Variants in TMEM65 observed in about 807,000 individuals in gnomAD.
The protein encoded by TMEM65 is transmembrane protein 65.
Under a neutral mutation model 25.4 loss-of-function variants are expected in TMEM65, and 22 were observed. The observed-to-expected ratio is 0.86, with a 90% confidence interval of 0.62 to 1.23. The LOEUF (loss-of-function observed/expected upper bound fraction) is 1.23. Ranked by LOEUF, TMEM65 falls within the 50% of genes most tolerant of loss-of-function variation. TMEM65 has a pLI of 0.00. For missense variants in TMEM65, 262 were observed against 308.2 expected (o/e 0.85, Z 1.12); for synonymous variants, 132 against 126.2 (o/e 1.05, Z -0.31).
chr8:124,335,098 CAAG>C (rs1417394190), intron 1 of TMEM65, among the ~76,000 whole-genome samples: 5 of 151,994 alleles, frequency 3.3e-5, no homozygotes, highest in African/African-American at 1.2e-4. Flanking sequence ...TCAAAAGATT[CAAG>C]AAGTTCAGTG....
intron 1 of TMEM65, among the ~76,000 whole-genome samples, chr8:124,331,619 G>A (rs183888559): frequency 3.9e-4 from 59 of 151,590 alleles, no homozygotes; most frequent in Middle Eastern, 3.4e-3. Context: ...AGCCTACCTG[G>A]TCTTATAACA....
intron 1 of TMEM65, among the ~76,000 whole-genome samples, chr8:124,340,129 T>C (rs888884394): frequency 6.6e-6 from 1 of 152,182 alleles, no homozygotes; most frequent in African/African-American, 2.4e-5. Flanking sequence ...TCAAAAGTTG[T>C]AGCTATCTGG....
intron 1 of TMEM65, among the ~76,000 whole-genome samples, chr8:124,357,796 C>T (rs1472821568): frequency 1.7e-5 from 1 of 59,798 alleles, no homozygotes; most frequent in East Asian, 8.0e-4. Context: ...GTCAGACAAA[C>T]CTTTTTTTTT....
chr8:124,328,050 T>C (rs1814388717), intron 2 of TMEM65, among the ~76,000 whole-genome samples: 1 of 152,140 alleles, frequency 6.6e-6, no homozygotes, highest in Non-Finnish European at 1.5e-5. Context: ...AATCAAACTA[T>C]CACTTCACCT....
At chr8:124,325,694 T>C (rs1814358706) in intron 3 of TMEM65, among the ~76,000 whole-genome samples, 1 of 151,946 alleles carries the variant, frequency 6.6e-6, no homozygotes, top group African/African-American at 2.4e-5. Flanking sequence ...CTCTTAGTTA[T>C]ACTAACAATG....
intron 1 of TMEM65, among the ~76,000 whole-genome samples, chr8:124,369,072 T>G (rs1418017472): frequency 6.6e-6 from 1 of 152,224 alleles, no homozygotes; most frequent in South Asian, 2.1e-4. Context: ...TGTAATAATG[T>G]CAGCTTGCCA....
At chr8:124,368,057 C>T (rs1814963258) in intron 1 of TMEM65, among the ~76,000 whole-genome samples, 1 of 151,806 alleles carries the variant, frequency 6.6e-6, no homozygotes, top group African/African-American at 2.4e-5. Flanking sequence ...CAGTTCTTGT[C>T]TCTCTGTGTA....
At chr8:124,354,802 T>C (rs6986235) in intron 1 of TMEM65, among the ~76,000 whole-genome samples, 55,998 of 152,078 alleles carry the variant, frequency 0.37, 10,589 homozygotes, top group East Asian at 0.56. Context: ...ACTACTTGCA[T>C]GTTAACCTTT....
At chr8:124,347,762 A>G (rs889381854) in intron 1 of TMEM65, among the ~76,000 whole-genome samples, 1 of 152,210 alleles carries the variant, frequency 6.6e-6, no homozygotes, top group African/African-American at 2.4e-5. Context: ...GTTGGCCAGA[A>G]GCAATCACAA....
Position 124,367,155 on chromosome 8 carries a change from C to T in TMEM65, c.304+4699G>A, listed in dbSNP as rs149400530. 5.3e-5 allele frequency among the ~76,000 whole-genome samples: 8 copies of T among 152,264 alleles called. No individual in the cohort carries two copies. In the East Asian group the frequency reaches 1.5e-3, roughly 29 times the overall value. ...GGACAAAAGCAAACTATTCCCAATC[C>T]ATTCCAGAGGCTCATAGCTTAAAAT... On this transcript the variant is annotated intron_variant, in intron 1 of 6. Coordinates refer to ENST00000297632, the MANE Select transcript of TMEM65 (RefSeq NM_194291.3).
At chr8:124,367,423 A>T (rs1374260853) in intron 1 of TMEM65, among the ~76,000 whole-genome samples, 2 of 152,194 alleles carry the variant, frequency 1.3e-5, no homozygotes, top group East Asian at 3.8e-4. Flanking sequence ...CACTGAGCTG[A>T]GATCGCACCA....
intron 1 of TMEM65, among the ~76,000 whole-genome samples, chr8:124,362,362 A>G (rs1814878751): frequency 6.6e-6 from 1 of 152,054 alleles, no homozygotes; most frequent in Admixed American, 6.6e-5. Context: ...TGGAAAAAGA[A>G]AGAGAATAGA....
At position 124,330,808 on chromosome 8, in the gene TMEM65, A is replaced by T. The variant is rs769297249; in HGVS notation, c.305-16T>A. On this transcript the variant is annotated splice_polypyrimidine_tract_variant and intron_variant, in intron 1 of 6. Coordinates refer to ENST00000297632, the MANE Select transcript of TMEM65 (RefSeq NM_194291.3). ...TCCAATTTTTCTAAAGGGGAGAAAA[A>T]GGATGTGGGGCAAGAATTAGTTACT... 6.3e-7 allele frequency: 1 copy of T among 1,575,668 alleles called. No homozygotes were observed. The highest frequency in any genetic ancestry group is 8.6e-7 in the Non-Finnish European group (1 of 1,165,062).
chr8:124,361,821 G>A (rs1057481280), intron 1 of TMEM65, among the ~76,000 whole-genome samples: 1 of 151,792 alleles, frequency 6.6e-6, no homozygotes, highest in Non-Finnish European at 1.5e-5. Context: ...GGGCAACAGA[G>A]CAAAACTCCA....
rs145024331 is a variant in TMEM65 at position 124,370,588 on chromosome 8, C to A, written c.304+1266G>T. On this transcript the variant is annotated intron_variant, in intron 1 of 6. Coordinates refer to ENST00000297632, the MANE Select transcript of TMEM65 (RefSeq NM_194291.3). ...TAAAAGCACTGTGGGTAAACAATGT[C>A]TGGAATCAATCATCCACTATAAATT... 9.5e-3 allele frequency among the ~76,000 whole-genome samples: 1,442 copies of A among 152,260 alleles called. 30 individuals carry two copies. Among genetic ancestry groups the A allele is most frequent in the Middle Eastern group, 0.017 (5 of 294 alleles).
Position 124,309,977 on chromosome 8 carries a change from T to C in TMEM65, c.*3983A>G, listed in dbSNP as rs1400906440. On this transcript the variant is annotated 3_prime_UTR_variant, in exon 7 of 7. Transcript: ENST00000297632. ...GAGTCTGAGGCCAGCCTGGCCAACATGGTGAAACCCCGTTTCTACTAAAAA... is the reference window on the plus strand; with the variant it reads ...GAGTCTGAGGCCAGCCTGGCCAACACGGTGAAACCCCGTTTCTACTAAAAA... The C allele has an allele frequency of 6.6e-6, 1 of 151,344 alleles. No homozygotes were observed. Among genetic ancestry groups the C allele is most frequent in the African/African-American group, 2.4e-5 (1 of 41,062 alleles). 9.4% of individuals were successfully genotyped at this position (151,344 alleles called of 1,614,324 possible).
chr8:124,322,792 TC>T (rs1414991824), intron 4 of TMEM65, among the ~76,000 whole-genome samples: 4 of 152,000 alleles, frequency 2.6e-5, no homozygotes, highest in Non-Finnish European at 5.9e-5. Context: ...GGTCAGGCAT[TC>T]AAGACCATCC....
Position 124,312,306 on chromosome 8 carries a change from A to C in TMEM65, c.*1654T>G, listed in dbSNP as rs1473762111. 1 of 150,074 alleles carries C rather than the reference A, an allele frequency of 6.7e-6. No individual in the cohort carries two copies. Among genetic ancestry groups the C allele is most frequent in the African/African-American group, 2.4e-5 (1 of 41,272 alleles). 9.3% of individuals were successfully genotyped at this position (150,074 alleles called of 1,614,324 possible). On this transcript the variant is annotated 3_prime_UTR_variant, in exon 7 of 7. Coordinates refer to ENST00000297632, the MANE Select transcript of TMEM65 (RefSeq NM_194291.3). ...ATGTCACATTATTTGTGCATGTTAT[A>C]TATTTATTTTTAGATTATATGCTAT...
At chr8:124,349,650 G>T (rs750090161) in intron 1 of TMEM65, among the ~76,000 whole-genome samples, 1 of 152,114 alleles carries the variant, frequency 6.6e-6, no homozygotes, top group Non-Finnish European at 1.5e-5. Flanking sequence ...AGCCCTCTGG[G>T]TCTTAGTTTT....
Sources: gnomAD v4.1 joint callset for allele counts (sites outside exome capture counted in the v4.1 genomes callset) on GRCh38, gnomAD v4.1.1 for gene constraint, MANE v1.5 for transcripts, NCBI Gene and HGNC (gene_info 2026-07-23, HGNC 2026-07-21) for gene names.